RAPGEF3: variants seen among roughly 807,000 people sequenced by gnomAD.
The protein encoded by RAPGEF3 is Rap guanine nucleotide exchange factor 3, also known as 9330170P05Rik.
In RAPGEF3, 103 loss-of-function variants were observed where a neutral mutation model predicts 129.8. The observed-to-expected ratio is 0.79, with a 90% CI of 0.68 to 0.93. The LOEUF (loss-of-function observed/expected upper bound fraction) is 0.93, where lower values mean the gene tolerates loss of function less well. RAPGEF3 is among the 40% of genes least tolerant of loss of function. RAPGEF3 has a pLI of 0.00. For synonymous variants in RAPGEF3, 436 were observed against 482.6 expected (o/e 0.90, Z 1.26); for missense variants, 1,117 against 1,207.4 (o/e 0.93, Z 1.11).
intron 18 of RAPGEF3, 69 bp downstream of exon 18, chr12:47,743,461 G>T: frequency 6.5e-7 from 1 of 1,531,300 alleles, no homozygotes; most frequent in South Asian, 1.2e-5. Context: ...CAATGATCTT[G>T]ACTGGGGGAC....
chr12:47,739,435 C>A (rs774647824), intron 23 of RAPGEF3: 3 of 700,056 alleles, frequency 4.3e-6, no homozygotes, highest in Middle Eastern at 2.3e-4. Context: ...AAATTCACAG[C>A]AGTTAGTCAC....
At chr12:47,758,264 G>T in intron 1 of RAPGEF3, 186 bp from the exon 2 acceptor site, 1 of 1,431,164 alleles carries the variant, frequency 7.0e-7, no homozygotes, top group Non-Finnish European at 9.1e-7. Flanking sequence ...CCGGTCTGGC[G>T]CACTTAGGGG....
At chr12:47,737,938 A>C in intron 27 of RAPGEF3, 84 bp downstream of exon 27, 1 of 1,514,062 alleles carries the variant, frequency 6.6e-7, no homozygotes, top group Non-Finnish European at 9.1e-7. Context: ...TGCCTGGCAC[A>C]TGGCAAGTGC....
rs1209203463 is a variant in RAPGEF3, at chr12:47,734,992, CCA to C, written c.*2573_*2574del. On this transcript the variant is annotated 3_prime_UTR_variant, in exon 28 of 28. Transcript: ENST00000449771. ...GGCGTGGCCCTCCCTGGTGTGTACCCCACAGTCAGGGCCTGAGCCTGGCCACA... is the reference window on the plus strand; with the variant it reads ...GGCGTGGCCCTCCCTGGTGTGTACCCCAGTCAGGGCCTGAGCCTGGCCACA... 6.6e-6 allele frequency: 1 copy of C among 152,300 alleles called. No individual in the cohort carries two copies. Among genetic ancestry groups the C allele is most frequent in the Non-Finnish European group, 1.5e-5 (1 of 68,114 alleles). 9.4% of individuals were successfully genotyped at this position (152,300 alleles called of 1,614,324 possible).
intron 6 of RAPGEF3, among the ~76,000 whole-genome samples, 197 bp downstream of exon 6, chr12:47,750,851 T>TG (rs5798039): frequency 0.13 from 19,495 of 152,000 alleles, 1,336 homozygotes; most frequent in Middle Eastern, 0.15. Context: ...GAAACTGACT[T>TG]GGGGGGGTTT....
At position 47,757,840 on chromosome 12, in the gene RAPGEF3, C is replaced by G. The variant is rs201655842; in HGVS notation, c.219+26G>C. On this transcript the variant is annotated intron_variant, in intron 2 of 27. Coordinates refer to ENST00000449771, the MANE Select transcript of RAPGEF3 (RefSeq NM_001098531.4). ...CCTCTAGCTCTGGTACTGGCCCTGGCACCTGGGCAGGTGAAAGGTACTCAC... is the reference window on the plus strand; with the variant it reads ...CCTCTAGCTCTGGTACTGGCCCTGGGACCTGGGCAGGTGAAAGGTACTCAC... The G allele has an allele frequency of 9.7e-4, 1,497 of 1,540,638 alleles. 1 individual carries two copies. The highest frequency in any genetic ancestry group is 1.0e-3 in the Non-Finnish European group (1,187 of 1,140,668).
rs114771701 is a variant in RAPGEF3 at position 47,740,120 on chromosome 12, C to T, written c.2373+21G>A. On this transcript the variant is annotated intron_variant, in intron 23 of 27. Coordinates refer to ENST00000449771, the MANE Select transcript of RAPGEF3 (RefSeq NM_001098531.4). ...CCAGCTGATCCTAGCAGAGCCAGGC[C>T]GGGCAGGGTGGAGCACTCACCAGCA... The T allele has an allele frequency of 1.3e-3, 2,053 of 1,609,694 alleles. 24 individuals carry two copies. The African/African-American group carries it at 0.024, about 19-fold the overall frequency.
In RAPGEF3 at chr12:47,743,584, G is replaced by A. The variant is rs781462735; in HGVS notation, c.1771C>T (p.Gln591Ter). The A allele has an allele frequency of 1.2e-6, 2 of 1,614,158 alleles. No homozygotes were observed. Among genetic ancestry groups the A allele is most frequent in the Non-Finnish European group, 1.7e-6 (2 of 1,180,024 alleles). ...SVREVMAALAQEDGWTKGQVL... is the reference protein window; with the variant it reads ...SVREVMAALA ...TGCCCCTTGGTCCAGCCATCCTCCT[G>A]GGCCAACGCTGCCATCACCTCTCTC... is the stretch of plus-strand genomic sequence containing the variant. The change falls in exon 18 of 28, where the codon CAG (glutamine) becomes TAG (stop). Residue 591 changes from glutamine to a stop codon, truncating the protein, a stop_gained. Transcript: ENST00000449771. LOFTEE classifies it high-confidence loss of function.
Position 47,748,880 on chromosome 12 carries a change from C to G in RAPGEF3, c.1093G>C (p.Val365Leu). Residue 365 changes from valine (V) to leucine (L), a missense_variant, in exon 11 of 28, where the codon GTG (valine) becomes CTG (leucine). Coordinates refer to ENST00000449771, the MANE Select transcript of RAPGEF3 (RefSeq NM_001098531.4). ...GCGCCCTGAGAGGCTCTCTCCAGCA[C>G]CAGCACCACTTTGCCATGTTCTTCC... ...RLEEHGKVVLVLERASQGAGP... is the reference protein window; with the variant it reads ...RLEEHGKVVLLLERASQGAGP... 6.2e-7 allele frequency: 1 copy of G among 1,614,068 alleles called. No homozygotes were observed. Among genetic ancestry groups the G allele is most frequent in the Non-Finnish European group, 8.5e-7 (1 of 1,179,970 alleles).
At chr12:47,746,731 C>G (rs1315273970) in intron 16 of RAPGEF3, 129 bp downstream of exon 16, 1 of 1,107,844 alleles carries the variant, frequency 9.0e-7, no homozygotes, top group East Asian at 2.6e-5. Context: ...GAACACCTAT[C>G]AGAGACCCAA....
chr12:47,754,281 A>T, intron 2 of RAPGEF3, among the ~76,000 whole-genome samples: 1 of 152,260 alleles, frequency 6.6e-6, no homozygotes, highest in East Asian at 1.9e-4. Flanking sequence ...CAGTAGAGGT[A>T]TTCTGCCTTC....
chr12:47,751,490 A>G lies in RAPGEF3; in HGVS notation c.411T>C (p.Asp137=), dbSNP rs758498692. 6.2e-7 allele frequency: 1 copy of G among 1,614,134 alleles called. No individual in the cohort carries two copies. Among genetic ancestry groups the G allele is most frequent in the South Asian group, 1.1e-5 (1 of 91,082 alleles). The part of the protein sequence containing the change: ...RQCCSGRELV[D]GILALGLGVH... The stretch of plus-strand genomic sequence containing the variant: ...CCCCAAGTCCCAGGGCCAAGATCCC[A>G]TCCACCAGCTCCCGGCCAGAGCAGC... The change falls in exon 5 of 28, where the codon GAT becomes GAC. Residue 137 remains aspartate (D), a synonymous_variant. Transcript: ENST00000449771.
chr12:47,737,857 C>T (rs994391077), intron 27 of RAPGEF3, among the ~76,000 whole-genome samples, 165 bp downstream of exon 27: 4 of 152,164 alleles, frequency 2.6e-5, no homozygotes, highest in African/African-American at 9.7e-5. Flanking sequence ...GTGAGGGGAC[C>T]GAAGAGCCCC....
At chr12:47,758,164 T>C in intron 1 of RAPGEF3, 86 bp from the exon 2 acceptor site, 1 of 1,487,852 alleles carries the variant, frequency 6.7e-7, no homozygotes, top group Non-Finnish European at 8.9e-7. Flanking sequence ...CAGAACTACT[T>C]CCTTAGAGTC....
rs772077715 is a variant in RAPGEF3, at chr12:47,751,091, G to A, written c.628C>T (p.Gln210Ter). 1.9e-6 allele frequency: 3 copies of A among 1,591,982 alleles called. No homozygotes were observed. The highest frequency in any genetic ancestry group is 1.8e-5 in the Admixed American group (1 of 55,924). The change falls in exon 6 of 28, where the codon CAG becomes TAG. Residue 210 changes from glutamine to a stop codon, truncating the protein, a stop_gained. Transcript: ENST00000449771. LOFTEE classifies it high-confidence loss of function. ...GTGAGCAGGGCGTCAGGCCCCCGCT[G>A]GGAGAGCAGGGCCACAGCTTCGGCC... Reference protein sequence around the residue: ...ELAEAVALLSQRGPDALLTVA... With the variant: ...ELAEAVALLS
intron 13 of RAPGEF3, 48 bp from the exon 14 acceptor site, chr12:47,747,910 C>G (rs1941516548): frequency 6.3e-7 from 1 of 1,596,888 alleles, no homozygotes. Flanking sequence ...GGCCACCCAC[C>G]TGAGGCAAAG....
chr12:47,750,062 G>T, intron 7 of RAPGEF3, 72 bp from the exon 8 acceptor site: 5 of 1,561,492 alleles, frequency 3.2e-6, no homozygotes, highest in Non-Finnish European at 4.4e-6. Flanking sequence ...TGCTAGGGGT[G>T]TGGTTAGGTC....
intron 2 of RAPGEF3, among the ~76,000 whole-genome samples, chr12:47,753,402 G>T (rs1941869062): frequency 1.3e-5 from 2 of 152,160 alleles, no homozygotes; most frequent in Admixed American, 6.5e-5. Flanking sequence ...TCCCTGAAAA[G>T]GACCTGCTGG....
Position 47,751,457 on chromosome 12 carries a change from G to T in RAPGEF3, c.444C>A (p.Ser148=). 1 of 1,614,178 alleles carries T rather than the reference G, an allele frequency of 6.2e-7. No individual in the cohort carries two copies. The highest frequency in any genetic ancestry group is 8.5e-7 in the Non-Finnish European group (1 of 1,180,032). Residue 148 remains serine, a synonymous_variant, in exon 5 of 28, where the codon TCC becomes TCA. Coordinates refer to ENST00000449771, the MANE Select transcript of RAPGEF3 (RefSeq NM_001098531.4). ...GILALGLGVH[S]RSQVVGICQV... ...GGCAGATTCCCACAACTTGGCTCCGGGAATGGACCCCAAGTCCCAGGGCCA... is the reference window on the plus strand; with the variant it reads ...GGCAGATTCCCACAACTTGGCTCCGTGAATGGACCCCAAGTCCCAGGGCCA...
Sources: allele counts gnomAD v4.1 joint callset (sites outside exome capture counted in the v4.1 genomes callset), GRCh38; gene constraint gnomAD v4.1.1; transcripts MANE v1.5; gene names NCBI Gene and HGNC (gene_info 2026-07-23, HGNC 2026-07-21).